Variants in TASP1 observed in about 807,000 individuals in gnomAD.
TASP1 encodes taspase 1.
Under a neutral mutation model 56.6 loss-of-function variants are expected in TASP1, and 16 were observed. The ratio of observed to expected loss-of-function variants is 0.28; its 90% confidence interval spans 0.19 to 0.43. The LOEUF is 0.43. Ranked by LOEUF, TASP1 falls within the 20% of genes least tolerant of loss-of-function variation. TASP1 has a pLI of 1.00. For missense variants in TASP1, 393 were observed against 511.6 expected (o/e 0.77, Z 2.24); for synonymous variants, 179 against 184.2 (o/e 0.97, Z 0.23).
chr20:13,552,173 T>C (rs2079234057), intron 8 of TASP1, among the ~76,000 whole-genome samples: 1 of 152,194 alleles, frequency 6.6e-6, no homozygotes, highest in Admixed American at 6.5e-5. Flanking sequence ...CATGGTATTA[T>C]TAACTCTGAG....
the TASP1 span, among the ~76,000 whole-genome samples, chr20:13,335,574 CAAAAAGAA>C: frequency 6.8e-6 from 1 of 147,542 alleles, no homozygotes; most frequent in Non-Finnish European, 1.5e-5. Flanking sequence ...TGAATGAAAT[CAAAAAGAA>C]AAAAAGAGTA....
chr20:13,283,106 T>A, the TASP1 span, among the ~76,000 whole-genome samples: 1 of 152,166 alleles, frequency 6.6e-6, no homozygotes, highest in Non-Finnish European at 1.5e-5. Context: ...AGTGGTGCGA[T>A]CATAGCTCAC....
At chr20:13,311,243 T>TAGATAGATAGATAGATAGATGATAGATA in the TASP1 span, among the ~76,000 whole-genome samples, 297 of 127,872 alleles carry the variant, frequency 2.3e-3, no homozygotes, top group Non-Finnish European at 2.8e-3. Flanking sequence ...GATAGATAGA[T>TAGATAGATAGATAGATAGATGATAGATA]GATAGATAGA....
intron 8 of TASP1, among the ~76,000 whole-genome samples, chr20:13,542,567 T>C (rs149586407): frequency 4.6e-5 from 7 of 152,276 alleles, no homozygotes; most frequent in Admixed American, 1.3e-4. Context: ...AAAGTTTCTT[T>C]TCAGGCACAA....
the TASP1 span, among the ~76,000 whole-genome samples, chr20:13,205,130 C>T: frequency 2.0e-5 from 3 of 152,180 alleles, no homozygotes; most frequent in South Asian, 4.2e-4. Context: ...GCTGTTTTTC[C>T]GTAATTCTCA....
chr20:13,353,045 T>G, the TASP1 span, among the ~76,000 whole-genome samples: 1 of 152,086 alleles, frequency 6.6e-6, no homozygotes, highest in African/African-American at 2.4e-5. Context: ...AAGACCAACC[T>G]GAGCAACATA....
the TASP1 span, among the ~76,000 whole-genome samples, chr20:13,251,793 G>A: frequency 6.8e-4 from 103 of 152,078 alleles, no homozygotes; most frequent in Non-Finnish European, 5.0e-4. Context: ...TTTGCTTACC[G>A]TGTGACTTTT....
the TASP1 span, among the ~76,000 whole-genome samples, chr20:13,129,704 T>C: frequency 6.6e-6 from 1 of 152,226 alleles, no homozygotes; most frequent in East Asian, 1.9e-4. Context: ...GATTGGTTCA[T>C]CACAGACAAA....
chr20:13,192,621 C>T, the TASP1 span, among the ~76,000 whole-genome samples: 1 of 152,122 alleles, frequency 6.6e-6, no homozygotes, highest in Non-Finnish European at 1.5e-5. Flanking sequence ...GCAGCCTGGA[C>T]CTGCTAGGCT....
chr20:13,302,113 G>T, the TASP1 span, among the ~76,000 whole-genome samples: 1 of 152,214 alleles, frequency 6.6e-6, no homozygotes, highest in African/African-American at 2.4e-5. Context: ...CATGTCTAAG[G>T]TATTTTTGTT....
At chr20:13,592,955 T>G (rs2047588306) in intron 4 of TASP1, among the ~76,000 whole-genome samples, 1 of 152,094 alleles carries the variant, frequency 6.6e-6, no homozygotes, top group South Asian at 2.1e-4. Flanking sequence ...GAACAATACA[T>G]TATAGCCAAG....
At chr20:13,459,282 A>T (rs1168918951) in intron 11 of TASP1, among the ~76,000 whole-genome samples, 1 of 152,102 alleles carries the variant, frequency 6.6e-6, no homozygotes, top group Non-Finnish European at 1.5e-5. Flanking sequence ...ACTTGCAAGA[A>T]TCTCACTAAC....
chr20:13,326,165 A>G, the TASP1 span, among the ~76,000 whole-genome samples: 1 of 152,230 alleles, frequency 6.6e-6, no homozygotes, highest in Non-Finnish European at 1.5e-5. Context: ...TTTATTGCTG[A>G]GTAGCATTCC....
At chr20:13,559,246 T>C in intron 7 of TASP1, 132 bp from the exon 8 acceptor site, 1 of 500,844 alleles carries the variant, frequency 2.0e-6, no homozygotes, top group East Asian at 3.3e-5. Context: ...TTAAAAAGTC[T>C]TTTCAATGTA....
chr20:13,109,977 A>C, the TASP1 span: 24 of 655,582 alleles, frequency 3.7e-5, no homozygotes, highest in Non-Finnish European at 5.6e-5. Flanking sequence ...TCTCTCCCTA[A>C]GGGTTCTCTG....
the TASP1 span, among the ~76,000 whole-genome samples, chr20:13,288,352 C>T: frequency 1.2e-4 from 18 of 152,226 alleles, no homozygotes; most frequent in Non-Finnish European, 2.2e-4. Flanking sequence ...AACCTCCTTG[C>T]TGTCACAAAG....
the TASP1 span, among the ~76,000 whole-genome samples, chr20:13,352,385 G>C: frequency 1.6e-3 from 248 of 151,524 alleles, 2 homozygotes; most frequent in Non-Finnish European, 1.9e-3. Flanking sequence ...CAGAGGCAGA[G>C]GTAGCAGTAA....
chr20:13,208,662 T>C, the TASP1 span, among the ~76,000 whole-genome samples: 1 of 152,188 alleles, frequency 6.6e-6, no homozygotes, highest in Non-Finnish European at 1.5e-5. Context: ...TCTCACAAAC[T>C]TCCATTCTCT....
the TASP1 span, chr20:13,165,125 T>G: frequency 1.4e-5 from 5 of 357,524 alleles, no homozygotes; most frequent in South Asian, 2.5e-4. Context: ...CACACACTTC[T>G]GAGAATATTT....
Sources: allele counts gnomAD v4.1 joint callset (sites outside exome capture counted in the v4.1 genomes callset), GRCh38; gene constraint gnomAD v4.1.1; transcripts MANE v1.5; gene names NCBI Gene and HGNC (gene_info 2026-07-23, HGNC 2026-07-21).